Variants in ASXL2 observed in about 807,000 individuals in gnomAD.
The protein encoded by ASXL2 is putative Polycomb group protein ASXL2.
ASXL2 carries 23 observed loss-of-function variants against 122.0 expected under a neutral mutation model. That is an observed-to-expected ratio of 0.19 (90% CI 0.14 to 0.27). The LOEUF (loss-of-function observed/expected upper bound fraction) is 0.27. ASXL2 is among the 10% of genes least tolerant of loss of function. The probability of loss-of-function intolerance (pLI) is 1.00; values close to 1 mark genes in which losing one functional copy is unlikely to be tolerated. For synonymous variants in ASXL2, 650 were observed against 637.0 expected, an observed-to-expected ratio of 1.02 and a Z score of -0.31; for missense variants, 1,518 against 1,713.8, an observed-to-expected ratio of 0.89 and a Z score of 2.02.
At position 25,749,959 on chromosome 2, in the gene ASXL2, C is replaced by G. The variant is rs2088013719; in HGVS notation, c.1597G>C (p.Val533Leu). ...TSPSKPKSPG[V>L]EKPIVKPTAG... The stretch of plus-strand genomic sequence containing the variant: ...GTGGGCTTCACTATTGGTTTTTCAA[C>G]CCCAGGACTCTTGGGTTTGCTTGGC... Residue 533 changes from valine to leucine, a missense_variant, in exon 12 of 13, where the codon GTT becomes CTT. Val to Leu is a conservative substitution (Grantham distance 32). Around this residue, in one of 8 missense-constraint regions of ASXL2, gnomAD observed 292 missense variants for 293.5 expected, o/e 1.00. Transcript: ENST00000435504. The G allele has an allele frequency of 1.1e-5, 18 of 1,613,976 alleles. No individual in the cohort carries two copies. Among genetic ancestry groups the G allele is most frequent in the Non-Finnish European group, 1.5e-5 (18 of 1,179,882 alleles).
At chr2:25,751,520 G>C (rs759175645) in intron 11 of ASXL2, among the ~76,000 whole-genome samples, 2 of 151,996 alleles carry the variant, frequency 1.3e-5, no homozygotes, top group Non-Finnish European at 2.9e-5. Flanking sequence ...TGGAGTCCCA[G>C]CTACTCAGGA....
chr2:25,756,437 C>G (rs1280728293), intron 9 of ASXL2, among the ~76,000 whole-genome samples: 2 of 102,242 alleles, frequency 2.0e-5, no homozygotes, highest in Non-Finnish European at 4.0e-5. Context: ...AGCTGAATCC[C>G]AGATTCAGAT....
At chr2:25,839,883 GTTTTC>G (rs1331352027) in intron 2 of ASXL2, among the ~76,000 whole-genome samples, 1 of 146,084 alleles carries the variant, frequency 6.8e-6, no homozygotes, top group African/African-American at 2.5e-5. Flanking sequence ...GCACTACCAT[GTTTTC>G]TTTTTTTTTT....
chr2:25,790,537 C>G (rs2088815604), intron 5 of ASXL2, among the ~76,000 whole-genome samples: 1 of 152,036 alleles, frequency 6.6e-6, no homozygotes, highest in Admixed American at 6.5e-5. Context: ...CCTTATACTT[C>G]TCTATTACCA....
At chr2:25,767,444 C>CA (rs1315509136) in intron 8 of ASXL2, 139 bp downstream of exon 8, 100 of 855,974 alleles carry the variant, frequency 1.2e-4, no homozygotes, top group Middle Eastern at 1.1e-3. Context: ...ATGTTAGCAA[C>CA]AAAAAAAACT....
chr2:25,762,618 T>C (rs1357064364), intron 8 of ASXL2, among the ~76,000 whole-genome samples: 1 of 127,206 alleles, frequency 7.9e-6, no homozygotes, highest in Non-Finnish European at 1.6e-5. Flanking sequence ...TGACCCGAGA[T>C]CGCACCACTG....
intron 1 of ASXL2, among the ~76,000 whole-genome samples, chr2:25,867,212 TTTTTAG>T (rs2089916131): frequency 6.6e-6 from 1 of 152,166 alleles, no homozygotes; most frequent in Non-Finnish European, 1.5e-5. Flanking sequence ...AATTTTTGTA[TTTTTAG>T]TAGAGACAGG....
chr2:25,845,261 T>C (rs1433723033), intron 2 of ASXL2: 4 of 661,116 alleles, frequency 6.1e-6, no homozygotes, highest in African/African-American at 3.7e-5. Context: ...GGCTTAAAGA[T>C]AGCTACCCTC....
chr2:25,814,100 T>C (rs1448241436), intron 3 of ASXL2, among the ~76,000 whole-genome samples: 1 of 152,170 alleles, frequency 6.6e-6, no homozygotes, highest in African/African-American at 2.4e-5. Context: ...CCATAATATT[T>C]TCCTTGCAAA....
intron 3 of ASXL2, among the ~76,000 whole-genome samples, chr2:25,824,162 G>T (rs531458636): frequency 2.4e-4 from 36 of 149,890 alleles, no homozygotes; most frequent in African/African-American, 7.6e-4. Context: ...TGTACTGAAA[G>T]GATACATTTA....
At chr2:25,797,287 A>G (rs2088924239) in intron 5 of ASXL2, among the ~76,000 whole-genome samples, 1 of 152,014 alleles carries the variant, frequency 6.6e-6, no homozygotes, top group Admixed American at 6.6e-5. Context: ...TCTACTAAAA[A>G]TACAAAAATT....
At chr2:25,802,912 C>T (rs2089021992) in intron 4 of ASXL2, among the ~76,000 whole-genome samples, 1 of 152,168 alleles carries the variant, frequency 6.6e-6, no homozygotes, top group Non-Finnish European at 1.5e-5. Flanking sequence ...AGGCAGATCA[C>T]CTGAGGTCAG....
At chr2:25,810,681 A>T (rs1283640234) in intron 3 of ASXL2, 3 of 717,164 alleles carry the variant, frequency 4.2e-6, no homozygotes, top group Non-Finnish European at 7.4e-6. Context: ...TACTGCTCAC[A>T]CTCCAGATCC....
chr2:25,779,042 C>A (rs901120061), intron 5 of ASXL2, among the ~76,000 whole-genome samples: 3 of 149,410 alleles, frequency 2.0e-5, no homozygotes, highest in Admixed American at 1.3e-4. Context: ...TGCTTGGATA[C>A]CAAATTTGAA....
chr2:25,750,808 C>G (rs753059869), intron 11 of ASXL2, among the ~76,000 whole-genome samples: 1 of 152,130 alleles, frequency 6.6e-6, no homozygotes, highest in Non-Finnish European at 1.5e-5. Flanking sequence ...ATTGTCTGGA[C>G]GCATGCATCA....
intron 1 of ASXL2, among the ~76,000 whole-genome samples, chr2:25,863,328 C>CAAAAAAAAAAA (rs2089861429): frequency 1.4e-5 from 2 of 142,042 alleles, no homozygotes; most frequent in African/African-American, 5.2e-5. Context: ...GACTCCATCT[C>CAAAAAAAAAAA]CAAAAAAAAA....
chr2:25,834,861 T>C (rs1438153975), intron 3 of ASXL2, among the ~76,000 whole-genome samples: 1 of 152,080 alleles, frequency 6.6e-6, no homozygotes, highest in African/African-American at 2.4e-5. Context: ...CTTGCTGTGT[T>C]GCCCAGGCTA....
chr2:25,765,566 T>C (rs1385584415), intron 8 of ASXL2, among the ~76,000 whole-genome samples: 1 of 152,218 alleles, frequency 6.6e-6, no homozygotes, highest in Non-Finnish European at 1.5e-5. Context: ...CTCATTTGCT[T>C]GAAAGAAGAT....
intron 1 of ASXL2, among the ~76,000 whole-genome samples, chr2:25,849,864 T>A (rs193010734): frequency 6.6e-6 from 1 of 152,158 alleles, no homozygotes; most frequent in African/African-American, 2.4e-5. Flanking sequence ...TTTAGAAAAG[T>A]ATTATACTAA....
Sources: gnomAD v4.1 joint callset for allele counts (sites outside exome capture counted in the v4.1 genomes callset) on GRCh38, gnomAD v4.1.1 for gene constraint, gnomAD v4.1.1 regional missense constraint, MANE v1.5 for transcripts, NCBI Gene and HGNC (gene_info 2026-07-23, HGNC 2026-07-21) for gene names.